PRKAR1B: variants seen among roughly 807,000 people sequenced by gnomAD.
The protein encoded by PRKAR1B is cAMP-dependent protein kinase type I-beta regulatory subunit.
Under a neutral mutation model 46.5 loss-of-function variants are expected in PRKAR1B, and 22 were observed. That is an observed-to-expected ratio of 0.47 (90% CI 0.34 to 0.68). PRKAR1B has a LOEUF of 0.68. Among genes scored for constraint, PRKAR1B ranks in the 30% least tolerant of loss-of-function variants. The probability of loss-of-function intolerance (pLI) is 0.01; values close to 1 mark genes in which losing one functional copy is unlikely to be tolerated. For synonymous variants in PRKAR1B, 259 were observed against 217.7 expected, an observed-to-expected ratio of 1.19 and a Z score of -1.67; for missense variants, 445 against 535.6, an observed-to-expected ratio of 0.83 and a Z score of 1.67.
intron 4 of PRKAR1B, among the ~76,000 whole-genome samples, chr7:646,047 G>A (rs893349901): frequency 1.1e-4 from 16 of 152,180 alleles, no homozygotes; most frequent in African/African-American, 3.6e-4. Flanking sequence ...CCAACTGCAC[G>A]CTATTTTTTT....
At chr7:611,663 T>G (rs1053695593) in intron 4 of PRKAR1B, among the ~76,000 whole-genome samples, 1 of 152,132 alleles carries the variant, frequency 6.6e-6, no homozygotes, top group Non-Finnish European at 1.5e-5. Flanking sequence ...CCAGCCCGGG[T>G]CTGACGCAGA....
intron 6 of PRKAR1B, among the ~76,000 whole-genome samples, chr7:599,540 G>T (rs906268801): frequency 6.6e-6 from 1 of 151,916 alleles, no homozygotes; most frequent in Admixed American, 6.6e-5. Context: ...CACCCACCTC[G>T]GCCTCCCAAA....
intron 7 of PRKAR1B, among the ~76,000 whole-genome samples, chr7:586,294 T>C (rs1465451083): frequency 6.6e-6 from 1 of 152,234 alleles, no homozygotes; most frequent in African/African-American, 2.4e-5. Flanking sequence ...GTCCACACCC[T>C]GTGTGCTCTG....
intron 2 of PRKAR1B, among the ~76,000 whole-genome samples, chr7:689,147 G>A (rs986289631): frequency 4.6e-5 from 7 of 151,484 alleles, no homozygotes; most frequent in Admixed American, 2.0e-4. Flanking sequence ...GCAGAGTCTC[G>A]CTCTGTCACC....
chr7:702,667 C>G (rs1780122997), intron 2 of PRKAR1B, among the ~76,000 whole-genome samples: 1 of 151,888 alleles, frequency 6.6e-6, no homozygotes, highest in African/African-American at 2.4e-5. Flanking sequence ...ACTAAAAATA[C>G]AAAAAATTTG....
At chr7:601,508 G>C (rs1781592840) in intron 6 of PRKAR1B, among the ~76,000 whole-genome samples, 1 of 152,224 alleles carries the variant, frequency 6.6e-6, no homozygotes, top group African/African-American at 2.4e-5. Context: ...AGCATCCTTT[G>C]ATTCCCTTAA....
chr7:667,436 G>C lies in PRKAR1B; in HGVS notation c.440+9793C>G, dbSNP rs532904605. 1.5e-4 allele frequency among the ~76,000 whole-genome samples: 23 copies of C among 152,308 alleles called. No homozygotes were observed. Among genetic ancestry groups the C allele is most frequent in the African/African-American group, 5.5e-4 (23 of 41,564 alleles). On this transcript the variant is annotated intron_variant, in intron 4 of 10. Coordinates refer to ENST00000537384, the MANE Select transcript of PRKAR1B (RefSeq NM_001164760.2). This position sits in a 1 kb window ranked among gnomAD's most constrained non-coding sequence, Gnocchi z 4.3. Reference sequence around the variant, plus strand: ...ACACCTTAAATTCTGTGGTATCTGAGTGAGATTGTGTGTGCATGACTGTGT... The same window carrying C: ...ACACCTTAAATTCTGTGGTATCTGACTGAGATTGTGTGTGCATGACTGTGT...
rs1784531743 is a variant in PRKAR1B, at chr7:644,421, A to AG, written c.440+32807dup. Among the ~76,000 whole-genome samples the AG allele has an allele frequency of 6.6e-6, 1 of 152,060 alleles. No individual in the cohort carries two copies. The highest frequency in any genetic ancestry group is 1.5e-5 in the Non-Finnish European group (1 of 67,986). ...CTCCTCCTTGGGTGTGCAGAGGCTG[A>AG]GGGGGGTCTCCACGGGAAGCCCTCT... On this transcript the variant is annotated intron_variant, in intron 4 of 10. Coordinates refer to ENST00000537384, the MANE Select transcript of PRKAR1B (RefSeq NM_001164760.2). This position sits in a 1 kb window ranked among gnomAD's most constrained non-coding sequence, Gnocchi z 4.9.
At chr7:571,694 G>A (rs10226998) in intron 9 of PRKAR1B, among the ~76,000 whole-genome samples, 46,186 of 152,036 alleles carry the variant, frequency 0.3, 7,308 homozygotes, top group Admixed American at 0.47. Context: ...GCTGTGGGGA[G>A]GTCTCCGGGA....
At chr7:579,770 C>T (rs1457839277) in intron 8 of PRKAR1B, among the ~76,000 whole-genome samples, 1 of 152,208 alleles carries the variant, frequency 6.6e-6, no homozygotes, top group Non-Finnish European at 1.5e-5. Flanking sequence ...AATGGAGTCC[C>T]AGCTAAGCAC....
At chr7:664,963 G>A (rs1274374710) in intron 4 of PRKAR1B, among the ~76,000 whole-genome samples, 1 of 152,060 alleles carries the variant, frequency 6.6e-6, no homozygotes, top group African/African-American at 2.4e-5. Context: ...AGGACCACAG[G>A]CAAGATCCAC....
chr7:651,108 G>A (rs1367744401), intron 4 of PRKAR1B, among the ~76,000 whole-genome samples: 3 of 152,222 alleles, frequency 2.0e-5, no homozygotes, highest in African/African-American at 7.2e-5. Flanking sequence ...GAATTTGGGG[G>A]CTGCTCAAGA....
chr7:653,555 G>A (rs970258307), intron 4 of PRKAR1B, among the ~76,000 whole-genome samples: 7 of 152,176 alleles, frequency 4.6e-5, no homozygotes, highest in Non-Finnish European at 1.0e-4. Context: ...TCCTGAGCTG[G>A]TTGGCTTAGT....
chr7:571,735 G>A (rs145943256), intron 9 of PRKAR1B, among the ~76,000 whole-genome samples: 81 of 152,300 alleles, frequency 5.3e-4, no homozygotes, highest in African/African-American at 1.7e-3. Flanking sequence ...AAAAGCAGGC[G>A]TGCGGCCCCA....
intron 4 of PRKAR1B, among the ~76,000 whole-genome samples, chr7:651,769 G>A (rs1462560570): frequency 2.5e-5 from 3 of 120,766 alleles, no homozygotes; most frequent in African/African-American, 1.0e-4. Flanking sequence ...ACCCCTCTCG[G>A]AACACAGTTC....
chr7:581,171 C>T (rs984273357), intron 8 of PRKAR1B, among the ~76,000 whole-genome samples: 11 of 151,920 alleles, frequency 7.2e-5, no homozygotes, highest in Admixed American at 6.6e-4. Flanking sequence ...GGTGTGGTGG[C>T]GGGCGCCTGT....
Position 666,765 on chromosome 7 carries a change from A to G in PRKAR1B, c.440+10464T>C, listed in dbSNP as rs764551161. Among the ~76,000 whole-genome samples, 3 of 152,126 alleles carry G rather than the reference A, an allele frequency of 2.0e-5. No homozygotes were observed. Among genetic ancestry groups the G allele is most frequent in the Non-Finnish European group, 4.4e-5 (3 of 68,002 alleles). The stretch of plus-strand genomic sequence containing the variant: ...CCCAGGGTGGAGCAGAGAATGACTC[A>G]AGGCTACCCCAGCCTCTTTCTCAGA... On this transcript the variant is annotated intron_variant, in intron 4 of 10. Transcript: ENST00000537384. This position sits in a 1 kb window ranked among gnomAD's most constrained non-coding sequence, Gnocchi z 4.9.
chr7:589,194 TC>T (rs1199932239), intron 7 of PRKAR1B, among the ~76,000 whole-genome samples: 4 of 151,556 alleles, frequency 2.6e-5, no homozygotes, highest in African/African-American at 9.7e-5. Context: ...GTCTTCGGTT[TC>T]TCCATGAGAA....
At chr7:726,468 G>A in intron 1 of PRKAR1B, 1 of 356,458 alleles carries the variant, frequency 2.8e-6, no homozygotes, top group Non-Finnish European at 5.0e-6. Context: ...CATCCCGGGC[G>A]AGCTGCACCC....
Sources: allele counts gnomAD v4.1 joint callset (sites outside exome capture counted in the v4.1 genomes callset), GRCh38; gene constraint gnomAD v4.1.1; non-coding constraint Gnocchi (gnomAD v3.1); transcripts MANE v1.5; gene names NCBI Gene and HGNC (gene_info 2026-07-23, HGNC 2026-07-21).